Variants in CYP2J2 observed in about 807,000 individuals in gnomAD.
CYP2J2 encodes the protein cytochrome P450 family 2 subfamily J member 2.
Under a neutral mutation model 48.8 loss-of-function variants are expected in CYP2J2, and 41 were observed. The observed-to-expected ratio is 0.84, with a 90% CI of 0.66 to 1.09. CYP2J2 has a LOEUF of 1.09. Among genes scored for constraint, CYP2J2 ranks in the 50% least tolerant of loss-of-function variants. The pLI is 0.00. For synonymous variants in CYP2J2, 221 were observed against 227.1 expected, an observed-to-expected ratio of 0.97 and a Z score of 0.24; for missense variants, 644 against 617.3, an observed-to-expected ratio of 1.04 and a Z score of -0.46.
the CYP2J2 span, among the ~76,000 whole-genome samples, chr1:59,959,779 A>G: frequency 6.6e-6 from 1 of 152,178 alleles, no homozygotes; most frequent in African/African-American, 2.4e-5. Flanking sequence ...CATTATTCTA[A>G]GTGAAGTAAT....
the CYP2J2 span, among the ~76,000 whole-genome samples, chr1:59,949,262 C>G: frequency 1.3e-5 from 2 of 152,104 alleles, no homozygotes; most frequent in African/African-American, 4.8e-5. Context: ...GTCCTTGATC[C>G]TCTTTGTCTG....
the CYP2J2 span, among the ~76,000 whole-genome samples, chr1:59,961,129 C>T: frequency 1.3e-5 from 2 of 152,050 alleles, no homozygotes; most frequent in Non-Finnish European, 2.9e-5. Flanking sequence ...TAAAATAAAA[C>T]ATGATAAATT....
At position 59,926,537 on chromosome 1, in the gene CYP2J2, C is replaced by A; in HGVS notation, c.210G>T (p.Leu70=). 6.2e-7 allele frequency: 1 copy of A among 1,613,544 alleles called. No homozygotes were observed. The highest frequency in any genetic ancestry group is 1.1e-5 in the South Asian group (1 of 91,076). Residue 70 remains leucine, a splice_region_variant and synonymous_variant, in exon 1 of 9, where the codon CTG becomes CTT. Coordinates refer to ENST00000371204, the MANE Select transcript of CYP2J2 (RefSeq NM_000775.4). The stretch of plus-strand genomic sequence containing the variant: ...GCTAGGCACCTTCTCCCACTCCTAC[C>A]AGCTGAACCTCCAGGTGCGACTGCT... ...DFEQSHLEVQ[L]FVKKYGNLFS... is the part of the protein sequence containing the mutation.
intron 2 of CYP2J2, among the ~76,000 whole-genome samples, chr1:59,914,252 C>T (rs773983867): frequency 4.6e-5 from 7 of 152,158 alleles, no homozygotes; most frequent in Non-Finnish European, 8.8e-5. Context: ...TGTTCCATCA[C>T]TCATGCCTAG....
chr1:59,930,508 T>C (rs1463425977), upstream of CYP2J2, among the ~76,000 whole-genome samples: 1 of 152,176 alleles, frequency 6.6e-6, no homozygotes, highest in Non-Finnish European at 1.5e-5. Context: ...TGATGCTAAG[T>C]ATATTTTCAT....
intron 2 of CYP2J2, chr1:59,912,964 T>C (rs1644431406): frequency 6.6e-6 from 1 of 152,202 alleles, no homozygotes; most frequent in Non-Finnish European, 1.5e-5. Flanking sequence ...TGACAGACCA[T>C]CATTTGTTTT....
chr1:59,955,383 G>A, the CYP2J2 span, among the ~76,000 whole-genome samples: 1 of 151,222 alleles, frequency 6.6e-6, no homozygotes, highest in Non-Finnish European at 1.5e-5. Flanking sequence ...TTGTAGATAG[G>A]AAGGAGGGAT....
At position 59,893,752 on chromosome 1, in the gene CYP2J2, T is replaced by C. The variant is rs1313769641; in HGVS notation, c.1408A>G (p.Thr470Ala). Residue 470 changes from threonine (T) to alanine (A), a missense_variant, in exon 9 of 9, where the codon ACC becomes GCC. Physicochemically the swap from Thr to Ala is moderately conservative, Grantham distance 58. Coordinates refer to ENST00000371204, the MANE Select transcript of CYP2J2 (RefSeq NM_000775.4). Reference sequence around the variant, plus strand: ...TTCTCATTGTTTGGGGGCCTGAAGGTAAATTTTTGCATAAGGGAAGTGAAG... The same window carrying C: ...TTCTCATTGTTTGGGGGCCTGAAGGCAAATTTTTGCATAAGGGAAGTGAAG... Reference protein sequence around the residue: ...IFFTSLMQKFTFRPPNNEKLS... With the variant: ...IFFTSLMQKFAFRPPNNEKLS... 1.2e-6 allele frequency: 2 copies of C among 1,613,454 alleles called. No individual in the cohort carries two copies. The highest frequency in any genetic ancestry group is 1.3e-5 in the African/African-American group (1 of 75,056).
chr1:59,961,672 G>A, the CYP2J2 span, among the ~76,000 whole-genome samples: 17 of 152,022 alleles, frequency 1.1e-4, no homozygotes, highest in Non-Finnish European at 1.0e-4. Context: ...ATACATGGAC[G>A]CTCATAGAGG....
At chr1:59,955,173 T>TAAATAAA in the CYP2J2 span, among the ~76,000 whole-genome samples, 3 of 125,556 alleles carry the variant, frequency 2.4e-5, no homozygotes, top group African/African-American at 6.8e-5. Flanking sequence ...AAATAAATAA[T>TAAATAAA]TAAAAAAATA....
the CYP2J2 span, among the ~76,000 whole-genome samples, chr1:59,953,379 A>G: frequency 6.6e-6 from 1 of 152,200 alleles, no homozygotes; most frequent in African/African-American, 2.4e-5. Flanking sequence ...AAACACCATG[A>G]CAACAGCCTG....
the CYP2J2 span, among the ~76,000 whole-genome samples, chr1:59,959,065 G>A: frequency 6.6e-6 from 1 of 152,044 alleles, no homozygotes; most frequent in Admixed American, 6.6e-5. Flanking sequence ...TTGCTTTTAT[G>A]TATGCTCAGA....
In CYP2J2 at chr1:59,914,085, T is replaced by C. The variant is rs369516924; in HGVS notation, c.374-1774A>G. 2.5e-4 allele frequency among the ~76,000 whole-genome samples: 38 copies of C among 152,358 alleles called. 1 individual carries two copies. The South Asian group carries it at 7.7e-3, about 31-fold the overall frequency. ...TTTCACCAGTTTATTAAATGAATAT[T>C]TATTTACTTTTTCTGCATCCCAGGA... On this transcript the variant is annotated intron_variant, in intron 2 of 8. Transcript: ENST00000371204.
intron 8 of CYP2J2, among the ~76,000 whole-genome samples, chr1:59,900,107 TA>T (rs1644304185): frequency 6.6e-6 from 1 of 152,218 alleles, no homozygotes; most frequent in African/African-American, 2.4e-5. Context: ...ATAAATGTAT[TA>T]ATTAGATTTT....
chr1:59,918,056 A>G (rs1644482171), intron 1 of CYP2J2, among the ~76,000 whole-genome samples: 1 of 152,188 alleles, frequency 6.6e-6, no homozygotes, highest in Non-Finnish European at 1.5e-5. Flanking sequence ...ATCAGTCCTT[A>G]TCTCCTACAC....
the CYP2J2 span, among the ~76,000 whole-genome samples, chr1:59,957,681 GACACAC>G: frequency 6.4e-4 from 88 of 137,332 alleles, no homozygotes; most frequent in Middle Eastern, 3.6e-3. Context: ...CAGACACACA[GACACAC>G]ACACACACAC....
At chr1:59,961,716 C>G in the CYP2J2 span, among the ~76,000 whole-genome samples, 1 of 151,974 alleles carries the variant, frequency 6.6e-6, no homozygotes, top group Non-Finnish European at 1.5e-5. Flanking sequence ...TAGAAACAAC[C>G]CAATTATCCA....
the CYP2J2 span, among the ~76,000 whole-genome samples, chr1:59,969,208 G>A: frequency 9.5e-3 from 1,454 of 152,306 alleles, 9 homozygotes; most frequent in Non-Finnish European, 0.015. Context: ...GGATCCGAGC[G>A]GGTTGCCACT....
intron 1 of CYP2J2, among the ~76,000 whole-genome samples, chr1:59,920,447 GATAA>G (rs1195134349): frequency 6.6e-6 from 1 of 151,996 alleles, no homozygotes; most frequent in Admixed American, 6.6e-5. Flanking sequence ...GGAGCATATA[GATAA>G]ATAATCACTT....
Sources: gnomAD v4.1 joint callset for allele counts (sites outside exome capture counted in the v4.1 genomes callset) on GRCh38, gnomAD v4.1.1 for gene constraint, MANE v1.5 for transcripts, NCBI Gene and HGNC (gene_info 2026-07-23, HGNC 2026-07-21) for gene names.